The following AVEN variants were observed in gnomAD, a reference collection of about 807,000 sequenced individuals.
The protein encoded by AVEN is cell death regulator Aven.
AVEN carries 41 observed loss-of-function variants against 38.1 expected under a neutral mutation model. The observed-to-expected ratio is 1.08, with a 90% CI of 0.84 to 1.40. The LOEUF is 1.40. AVEN is among the 40% of genes most tolerant of loss of function. AVEN has a pLI of 0.00. For synonymous variants in AVEN, 206 were observed against 171.8 expected (o/e 1.20, Z -1.56); for missense variants, 605 against 438.8 (o/e 1.38, Z -3.38).
chr15:33,907,629 C>A (rs1187200472), intron 2 of AVEN, among the ~76,000 whole-genome samples: 3 of 152,042 alleles, frequency 2.0e-5, no homozygotes, highest in Non-Finnish European at 1.5e-5. Context: ...GCCTTTTATT[C>A]CCCTCACCTC....
At chr15:34,013,076 T>TG (rs937638553) in intron 1 of AVEN, among the ~76,000 whole-genome samples, 13 of 152,116 alleles carry the variant, frequency 8.5e-5, no homozygotes, top group Non-Finnish European at 1.8e-4. Flanking sequence ...TTTGTTTGTT[T>TG]TTTGAGACAG....
At chr15:33,907,465 C>A (rs117788848) in intron 2 of AVEN, among the ~76,000 whole-genome samples, 76 of 152,282 alleles carry the variant, frequency 5.0e-4, no homozygotes, top group Non-Finnish European at 8.4e-4. Context: ...ACATTGCCAG[C>A]CTTCTGTTCC....
chr15:34,067,478 A>G (rs1361714251), intron 2 of AVEN: 6 of 152,228 alleles, frequency 3.9e-5, no homozygotes, highest in Admixed American at 2.6e-4. Context: ...AATGCAGAGC[A>G]TTTAAATAAG....
chr15:34,072,327 C>A (rs908730894), intron 1 of AVEN, among the ~76,000 whole-genome samples: 2 of 149,562 alleles, frequency 1.3e-5, no homozygotes, highest in South Asian at 4.3e-4. Flanking sequence ...TAAAAAATTA[C>A]CTGGGCCGGG....
At chr15:33,948,150 T>A (rs1224598929) in intron 2 of AVEN, among the ~76,000 whole-genome samples, 1 of 149,988 alleles carries the variant, frequency 6.7e-6, no homozygotes, top group East Asian at 2.0e-4. Context: ...CAGGCTGGAG[T>A]GCAGTGGCAT....
At chr15:33,949,169 A>AC (rs942758783) in intron 2 of AVEN, among the ~76,000 whole-genome samples, 1 of 151,670 alleles carries the variant, frequency 6.6e-6, no homozygotes, top group Non-Finnish European at 1.5e-5. Context: ...GACTACAGGC[A>AC]CCCGCCACCA....
In AVEN at chr15:33,923,618, A is replaced by G. The variant is rs570771425; in HGVS notation, c.446-47623T>C. ...AAATGGGTGTAGCTGTGTTCTAATA[A>G]AACTTTATTTATAAAAGTTGGCAAT... On this transcript the variant is annotated intron_variant, in intron 2 of 5. Transcript: ENST00000306730. Among the ~76,000 whole-genome samples, 5 of 152,298 alleles carry G rather than the reference A, an allele frequency of 3.3e-5. 1 individual carries two copies. The South Asian group carries it at 1.0e-3, about 32-fold the overall frequency.
chr15:33,857,817 A>C (rs1402253573), downstream of AVEN: 2 of 1,614,020 alleles, frequency 1.2e-6, no homozygotes, highest in Non-Finnish European at 1.7e-6. Flanking sequence ...GTGGTGGTTT[A>C]TCTCTATACT....
intron 11 of AVEN, chr15:33,860,705 C>G: frequency 1.5e-6 from 2 of 1,328,240 alleles, no homozygotes; most frequent in Non-Finnish European, 2.1e-6. Flanking sequence ...TTAATATCCC[C>G]AGAAGCAAAT....
At position 33,867,552 on chromosome 15, in the gene AVEN, G is replaced by C. The variant is rs780232958; in HGVS notation, c.916C>G (p.Gln306Glu). The change falls in exon 5 of 6, where the codon CAG becomes GAG. Residue 306 changes from glutamine to glutamate, a missense_variant. Coordinates refer to ENST00000306730, the MANE Select transcript of AVEN (RefSeq NM_020371.3). ...TTGGATTTCAGGTCCTGAGACGTCTGATCTGGTAAGATGTTATCTCCCTCT... is the reference window on the plus strand; with the variant it reads ...TTGGATTTCAGGTCCTGAGACGTCTCATCTGGTAAGATGTTATCTCCCTCT... ...IKEGDNILPD[Q>E]TSQDLKSKED... 2.5e-6 allele frequency: 4 copies of C among 1,613,054 alleles called. No individual in the cohort carries two copies. Among genetic ancestry groups the C allele is most frequent in the Non-Finnish European group, 3.4e-6 (4 of 1,179,612 alleles).
rs138633359 is a variant in AVEN at position 33,908,639 on chromosome 15, A to C, written c.446-32644T>G. ...TTTTTCTGACTGGCTTATTTGTCTC[A>C]GCAAGGTTCATCCTTGTTGTCGCAT... On this transcript the variant is annotated intron_variant, in intron 2 of 5. Transcript: ENST00000306730. Among the ~76,000 whole-genome samples, 706 of 152,316 alleles carry C rather than the reference A, an allele frequency of 4.6e-3. 6 individuals are homozygous for C. Among genetic ancestry groups the C allele is most frequent in the African/African-American group, 0.016 (684 of 41,572 alleles).
intron 2 of AVEN, among the ~76,000 whole-genome samples, chr15:33,965,040 A>C (rs1316700713): frequency 6.6e-6 from 1 of 152,202 alleles, no homozygotes; most frequent in African/African-American, 2.4e-5. Flanking sequence ...GGTGTACCTC[A>C]GTTTCCTTCT....
intron 2 of AVEN, among the ~76,000 whole-genome samples, chr15:33,914,446 G>A (rs1053192884): frequency 2.6e-5 from 4 of 151,826 alleles, no homozygotes; most frequent in African/African-American, 7.3e-5. Context: ...TGGTACAACC[G>A]TATAGCAATT....
At chr15:33,940,362 C>T (rs186606356) in intron 2 of AVEN, among the ~76,000 whole-genome samples, 2 of 152,290 alleles carry the variant, frequency 1.3e-5, no homozygotes, top group Admixed American at 6.5e-5. Flanking sequence ...TCTTCTCAAC[C>T]TTTCAGCTCT....
downstream of AVEN, among the ~76,000 whole-genome samples, chr15:33,863,852 C>T (rs993827870): frequency 6.6e-6 from 1 of 152,088 alleles, no homozygotes; most frequent in South Asian, 2.1e-4. Context: ...ATTTTGTTAA[C>T]AATAAAATGG....
rs930200206 is a variant in AVEN at position 34,038,912 on chromosome 15, C to CCCG, written c.132_134dup (p.Gly45dup). 4 of 1,111,808 alleles carry CCCG rather than the reference C, an allele frequency of 3.6e-6. No individual in the cohort carries two copies. The highest frequency in any genetic ancestry group is 3.4e-5 in the African/African-American group (2 of 59,272). 68.9% of individuals were successfully genotyped at this position (1,111,808 alleles called of 1,614,324 possible). The stretch of plus-strand genomic sequence containing the variant: ...CACGGCCCCGGCGTCCGCCTCCGTC[C>CCCG]CCGCCGCCGCCTCCGCCGCCGCCTC... On this transcript the variant is annotated inframe_insertion, in exon 1 of 6. Transcript: ENST00000306730.
At chr15:33,900,454 T>G (rs1481891400) in intron 2 of AVEN, among the ~76,000 whole-genome samples, 1 of 152,026 alleles carries the variant, frequency 6.6e-6, no homozygotes, top group Non-Finnish European at 1.5e-5. Context: ...ACTACAGGCA[T>G]GAGCCACCAC....
upstream of AVEN, among the ~76,000 whole-genome samples, chr15:34,041,042 C>T (rs997119356): frequency 1.3e-5 from 2 of 152,156 alleles, no homozygotes; most frequent in African/African-American, 4.8e-5. Context: ...AAGATCCACA[C>T]ATTAATCTCA....
intron 11 of AVEN, chr15:33,861,078 A>G: frequency 1.3e-6 from 2 of 1,579,706 alleles, no homozygotes; most frequent in Non-Finnish European, 1.7e-6. Context: ...TTTTTCTTAG[A>G]CTAAATGTTT....
Sources: allele counts gnomAD v4.1 joint callset (sites outside exome capture counted in the v4.1 genomes callset), GRCh38; gene constraint gnomAD v4.1.1; transcripts MANE v1.5; gene names NCBI Gene and HGNC (gene_info 2026-07-23, HGNC 2026-07-21).